Variants in GDAP1L1 observed in about 807,000 individuals in gnomAD.
The protein encoded by GDAP1L1 is ganglioside-induced differentiation-associated protein 1-like 1.
GDAP1L1 carries 21 observed loss-of-function variants against 37.1 expected under a neutral mutation model. The ratio of observed to expected loss-of-function variants is 0.57; its 90% CI spans 0.40 to 0.81. The LOEUF is 0.81. Among genes scored for constraint, GDAP1L1 ranks in the 40% least tolerant of loss-of-function variants. The pLI, the probability that GDAP1L1 is intolerant of heterozygous loss-of-function variation, is 0.00. For synonymous variants in GDAP1L1, 193 were observed against 209.1 expected (o/e 0.92, Z 0.67); for missense variants, 362 against 491.6 (o/e 0.74, Z 2.49).
chr20:44,250,949 T>C (rs2073430082), intron 1 of GDAP1L1, among the ~76,000 whole-genome samples: 1 of 152,042 alleles, frequency 6.6e-6, no homozygotes, highest in African/African-American at 2.4e-5. Context: ...AGATGTTTGA[T>C]ACAACGTGCC....
chr20:44,265,959 T>C (rs1437561619), intron 5 of GDAP1L1, among the ~76,000 whole-genome samples: 2 of 152,118 alleles, frequency 1.3e-5, no homozygotes, highest in African/African-American at 4.8e-5. Flanking sequence ...CCTTAAATCA[T>C]TTCTGGAAAC....
intron 5 of GDAP1L1, among the ~76,000 whole-genome samples, chr20:44,276,345 A>AG (rs2062573209): frequency 7.1e-6 from 1 of 140,840 alleles, no homozygotes; most frequent in African/African-American, 2.7e-5. Context: ...AAAGAAAGAA[A>AG]GAAAGAAGGA....
intron 3 of GDAP1L1, 136 bp downstream of exon 3, chr20:44,258,743 C>T: frequency 1.5e-6 from 1 of 662,242 alleles, no homozygotes; most frequent in Non-Finnish European, 2.6e-6. Context: ...TTGCATTCTC[C>T]ATTTGTCCCC....
intron 5 of GDAP1L1, among the ~76,000 whole-genome samples, chr20:44,277,066 C>A (rs1278559066): frequency 6.6e-6 from 1 of 151,674 alleles, no homozygotes. Context: ...CTCTTGTTGC[C>A]CAGGGTGGAG....
At chr20:44,260,031 C>T (rs2073643775) in intron 3 of GDAP1L1, among the ~76,000 whole-genome samples, 1 of 152,128 alleles carries the variant, frequency 6.6e-6, no homozygotes, top group Admixed American at 6.5e-5. Context: ...CATGAGAAAG[C>T]CCACATCTTG....
chr20:44,258,045 A>C, intron 2 of GDAP1L1: 1 of 657,240 alleles, frequency 1.5e-6, no homozygotes, highest in Non-Finnish European at 2.8e-6. Flanking sequence ...ATAGGCTCAG[A>C]CACCCACTGG....
intron 5 of GDAP1L1, among the ~76,000 whole-genome samples, chr20:44,271,220 G>A (rs2062512386): frequency 6.6e-6 from 1 of 152,134 alleles, no homozygotes; most frequent in Admixed American, 6.5e-5. Context: ...GTCGTCTTCT[G>A]GGAGACAGAG....
chr20:44,261,400 G>C (rs1450330745), intron 3 of GDAP1L1, among the ~76,000 whole-genome samples: 1 of 152,180 alleles, frequency 6.6e-6, no homozygotes, highest in Non-Finnish European at 1.5e-5. Context: ...TTTGTGTCAG[G>C]ACAGGAGATG....
chr20:44,250,282 G>T (rs529153216), intron 1 of GDAP1L1, among the ~76,000 whole-genome samples: 1 of 152,282 alleles, frequency 6.6e-6, no homozygotes, highest in African/African-American at 2.4e-5. Context: ...CTCTACCACT[G>T]ACCAGCTGGG....
chr20:44,273,938 C>T (rs999942312), intron 5 of GDAP1L1, among the ~76,000 whole-genome samples: 1 of 152,176 alleles, frequency 6.6e-6, no homozygotes, highest in African/African-American at 2.4e-5. Context: ...CAACGACCCA[C>T]CCACTGTATA....
At chr20:44,278,390 T>C (rs2062607123) in intron 5 of GDAP1L1, among the ~76,000 whole-genome samples, 1 of 151,998 alleles carries the variant, frequency 6.6e-6, no homozygotes, top group South Asian at 2.1e-4. Flanking sequence ...TTTATTTATT[T>C]ATTTATTTGA....
intron 1 of GDAP1L1, among the ~76,000 whole-genome samples, chr20:44,248,168 CA>C (rs1296012789): frequency 6.6e-6 from 1 of 152,246 alleles, no homozygotes; most frequent in Non-Finnish European, 1.5e-5. Context: ...AGAGTGGCCC[CA>C]GCCCCTAAAA....
chr20:44,251,145 G>C (rs529228166), intron 1 of GDAP1L1, among the ~76,000 whole-genome samples: 1 of 152,186 alleles, frequency 6.6e-6, no homozygotes, highest in Non-Finnish European at 1.5e-5. Flanking sequence ...GAGGGTACTG[G>C]GAGGTACTAG....
chr20:44,257,840 G>A (rs2146004624), intron 2 of GDAP1L1, among the ~76,000 whole-genome samples: 2 of 152,126 alleles, frequency 1.3e-5, no homozygotes, highest in Non-Finnish European at 2.9e-5. Context: ...CCCTGAGACA[G>A]GGGAAGGCCC....
chr20:44,264,693 C>T (rs2146026736), intron 5 of GDAP1L1, 134 bp downstream of exon 5: 1 of 1,487,876 alleles, frequency 6.7e-7, no homozygotes, highest in Non-Finnish European at 9.0e-7. Context: ...GCTATGGAGT[C>T]AGACTAAGGT....
At chr20:44,254,825 G>A (rs1406550300) in intron 1 of GDAP1L1, among the ~76,000 whole-genome samples, 1 of 152,166 alleles carries the variant, frequency 6.6e-6, no homozygotes, top group Non-Finnish European at 1.5e-5. Context: ...CAAACAGGAG[G>A]AGGTGTTTAT....
rs772351561 is a variant in GDAP1L1, at chr20:44,279,223, GGGGCGTCCTTCCTCAT to G, written c.1032_1047del (p.Ser345ProfsTer39). On this transcript the variant is annotated frameshift_variant, in exon 6 of 6. Coordinates refer to ENST00000342560, the MANE Select transcript of GDAP1L1 (RefSeq NM_024034.6). LOFTEE classifies it high-confidence loss of function. ...CAAGAGGAAACCCCCATCCTTCTTCGGGGCGTCCTTCCTCATGGGCTCCCTGGGTGGGATGGGCTAC... is the reference window on the plus strand; with the variant it reads ...CAAGAGGAAACCCCCATCCTTCTTCGGGGCTCCCTGGGTGGGATGGGCTAC... The G allele has an allele frequency of 1.2e-6, 2 of 1,614,054 alleles. No individual in the cohort carries two copies. The highest frequency in any genetic ancestry group is 2.7e-5 in the African/African-American group (2 of 74,990).
chr20:44,268,788 G>T (rs1403920541), intron 5 of GDAP1L1, among the ~76,000 whole-genome samples: 1 of 152,164 alleles, frequency 6.6e-6, no homozygotes, highest in African/African-American at 2.4e-5. Context: ...TCGGGAAAGT[G>T]GTGGGAATGA....
At chr20:44,252,231 G>T (rs1192937643) in intron 1 of GDAP1L1, among the ~76,000 whole-genome samples, 1 of 152,188 alleles carries the variant, frequency 6.6e-6, no homozygotes, top group Non-Finnish European at 1.5e-5. Flanking sequence ...GCACAACCCG[G>T]CCAGGCGTGG....
Sources: allele counts gnomAD v4.1 joint callset (sites outside exome capture counted in the v4.1 genomes callset), GRCh38; gene constraint gnomAD v4.1.1; transcripts MANE v1.5; gene names NCBI Gene and HGNC (gene_info 2026-07-23, HGNC 2026-07-21).